Variants in ZCWPW2 observed in about 807,000 individuals in gnomAD.
The protein encoded by ZCWPW2 is zinc finger CW-type and PWWP domain containing 2.
Under a neutral mutation model 46.6 loss-of-function variants are expected in ZCWPW2, and 45 were observed. The ratio of observed to expected loss-of-function variants is 0.96; its 90% CI spans 0.76 to 1.24. ZCWPW2 has a LOEUF of 1.24. Among genes scored for constraint, ZCWPW2 ranks in the 50% most tolerant of loss-of-function variants. The pLI is 0.00. For missense variants in ZCWPW2, 429 were observed against 403.9 expected (o/e 1.06, Z -0.53); for synonymous variants, 152 against 137.1 (o/e 1.11, Z -0.76).
intron 4 of ZCWPW2, among the ~76,000 whole-genome samples, chr3:28,438,493 C>T (rs1296755449): frequency 1.3e-5 from 2 of 152,126 alleles, no homozygotes; most frequent in Non-Finnish European, 1.5e-5. Flanking sequence ...TGATCCTTGG[C>T]ACAAAGATAG....
At chr3:28,430,775 A>G (rs761727102) in intron 3 of ZCWPW2, among the ~76,000 whole-genome samples, 1 of 152,106 alleles carries the variant, frequency 6.6e-6, no homozygotes, top group Non-Finnish European at 1.5e-5. Context: ...TGATGGTTTT[A>G]TAAGGAGCTT....
rs569644024 is a variant in ZCWPW2, at chr3:28,434,138, A to C, written c.333-972A>C. Among the ~76,000 whole-genome samples, 148 of 152,290 alleles carry C rather than the reference A, an allele frequency of 9.7e-4. 1 individual carries two copies. Among genetic ancestry groups the C allele is most frequent in the African/African-American group, 3.5e-3 (145 of 41,554 alleles). On this transcript the variant is annotated intron_variant, in intron 3 of 9. Coordinates refer to ENST00000383768, the MANE Select transcript of ZCWPW2 (RefSeq NM_001040432.4). ...TTTTTACAGTGATTATGTTCCCATA[A>C]ATTTTCAGTTTATTTCAAACTTCCT... is the stretch of plus-strand genomic sequence containing the variant.
At chr3:28,474,852 C>T (rs1028109395) in intron 4 of ZCWPW2, among the ~76,000 whole-genome samples, 25 of 151,688 alleles carry the variant, frequency 1.6e-4, no homozygotes, top group Admixed American at 1.1e-3. Flanking sequence ...TTGTTTGAGA[C>T]GGAGTCTCGC....
intron 8 of ZCWPW2, among the ~76,000 whole-genome samples, chr3:28,520,011 T>G (rs1700680448): frequency 1.3e-5 from 2 of 151,052 alleles, no homozygotes; most frequent in East Asian, 1.9e-4. Context: ...TTTGCCTATT[T>G]TTTTTTTTTT....
intron 8 of ZCWPW2, among the ~76,000 whole-genome samples, chr3:28,518,499 G>T (rs966061925): frequency 6.6e-6 from 1 of 152,142 alleles, no homozygotes; most frequent in African/African-American, 2.4e-5. Context: ...ACTTCCCACT[G>T]CTCTGGAAGC....
intron 4 of ZCWPW2, among the ~76,000 whole-genome samples, chr3:28,439,914 G>C (rs1047512109): frequency 2.6e-5 from 4 of 152,156 alleles, no homozygotes; most frequent in African/African-American, 9.7e-5. Context: ...AGCTGGTATT[G>C]ACAACTACCT....
chr3:28,448,532 C>A (rs186276755), intron 4 of ZCWPW2, among the ~76,000 whole-genome samples: 2 of 151,944 alleles, frequency 1.3e-5, no homozygotes, highest in East Asian at 1.9e-4. Context: ...TGCCTGTAAT[C>A]CCAGCATTTT....
At chr3:28,468,755 T>C (rs1310691991) in intron 4 of ZCWPW2, among the ~76,000 whole-genome samples, 2 of 152,128 alleles carry the variant, frequency 1.3e-5, no homozygotes, top group Non-Finnish European at 2.9e-5. Flanking sequence ...ATAAAGATTT[T>C]CCCAGACAAA....
chr3:28,362,647 T>C (rs942260364), intron 1 of ZCWPW2, among the ~76,000 whole-genome samples: 6 of 152,120 alleles, frequency 3.9e-5, no homozygotes, highest in Non-Finnish European at 7.4e-5. Flanking sequence ...AGTTCAACCA[T>C]TGTGGAAAGT....
At chr3:28,474,976 A>G (rs1699185850) in intron 4 of ZCWPW2, among the ~76,000 whole-genome samples, 2 of 151,828 alleles carry the variant, frequency 1.3e-5, no homozygotes, top group Non-Finnish European at 2.9e-5. Flanking sequence ...CTACAGGCAC[A>G]TGCTACCACG....
At chr3:28,501,026 G>T (rs936161005) in intron 6 of ZCWPW2, among the ~76,000 whole-genome samples, 18 of 152,104 alleles carry the variant, frequency 1.2e-4, no homozygotes, top group African/African-American at 4.3e-4. Flanking sequence ...TCACCATTTT[G>T]CCATTTTCAG....
intron 6 of ZCWPW2, among the ~76,000 whole-genome samples, chr3:28,497,767 A>G (rs768316902): frequency 2.0e-5 from 3 of 152,072 alleles, no homozygotes; most frequent in Non-Finnish European, 4.4e-5. Context: ...TCCTGGGGTC[A>G]AGTATGAGAC....
intron 2 of ZCWPW2, among the ~76,000 whole-genome samples, chr3:28,393,340 C>A (rs1350573410): frequency 6.6e-6 from 1 of 152,046 alleles, no homozygotes; most frequent in East Asian, 1.9e-4. Context: ...AACTTCGCTG[C>A]TGAATACTAC....
chr3:28,369,156 A>C (rs1303457741), intron 1 of ZCWPW2, among the ~76,000 whole-genome samples: 1 of 151,846 alleles, frequency 6.6e-6, no homozygotes, highest in East Asian at 1.9e-4. Flanking sequence ...TCTTCTCTCA[A>C]CTCGTCAAAG....
At chr3:28,378,543 T>C (rs924890736) in intron 1 of ZCWPW2, among the ~76,000 whole-genome samples, 6 of 152,074 alleles carry the variant, frequency 3.9e-5, no homozygotes, top group Non-Finnish European at 7.4e-5. Context: ...CATCAACATA[T>C]ACATATGATA....
chr3:28,462,654 C>T (rs1698683034), intron 4 of ZCWPW2, among the ~76,000 whole-genome samples: 1 of 152,102 alleles, frequency 6.6e-6, no homozygotes, highest in Admixed American at 6.5e-5. Flanking sequence ...TGCTACAACC[C>T]CAGGTTATTA....
intron 2 of ZCWPW2, among the ~76,000 whole-genome samples, chr3:28,411,856 CTCTT>C (rs1174838349): frequency 6.6e-6 from 1 of 152,028 alleles, no homozygotes; most frequent in Non-Finnish European, 1.5e-5. Context: ...GACTTTTTCA[CTCTT>C]TCAACATGAA....
chr3:28,507,674 C>T (rs959004612), intron 6 of ZCWPW2, among the ~76,000 whole-genome samples: 2 of 152,088 alleles, frequency 1.3e-5, no homozygotes, highest in African/African-American at 4.8e-5. Context: ...GAGACTTCCT[C>T]TGTGAACCAG....
intron 5 of ZCWPW2, among the ~76,000 whole-genome samples, chr3:28,481,307 G>A (rs1011032572): frequency 2.0e-5 from 3 of 152,120 alleles, no homozygotes; most frequent in East Asian, 1.9e-4. Context: ...GCAGTGGCGC[G>A]ATCTTGGCTC....
Sources: gnomAD v4.1 joint callset for allele counts (sites outside exome capture counted in the v4.1 genomes callset) on GRCh38, gnomAD v4.1.1 for gene constraint, MANE v1.5 for transcripts, NCBI Gene and HGNC (gene_info 2026-07-23, HGNC 2026-07-21) for gene names.